Variants in PRDM1 observed in about 807,000 individuals in gnomAD.
The protein encoded by PRDM1 is PR/SET domain 1.
A neutral mutation model predicts 62.8 loss-of-function variants in PRDM1; 13 were observed. The observed-to-expected ratio is 0.21, with a 90% confidence interval of 0.13 to 0.33. PRDM1 has a LOEUF of 0.33. Ranked by LOEUF, PRDM1 falls within the 10% of genes least tolerant of loss-of-function variation. The pLI, the probability that PRDM1 is intolerant of heterozygous loss-of-function variation, is 1.00. For synonymous variants in PRDM1, 396 were observed against 417.6 expected, an observed-to-expected ratio of 0.95 and a Z score of 0.63; for missense variants, 895 against 1,058.8, an observed-to-expected ratio of 0.85 and a Z score of 2.15.
At chr6:106,023,432 C>G (rs530687234) in intron 1 of PRDM1, among the ~76,000 whole-genome samples, 1 of 151,926 alleles carries the variant, frequency 6.6e-6, no homozygotes, top group African/African-American at 2.4e-5. Flanking sequence ...TGAGATCTCG[C>G]CACTGCACTC....
At chr6:106,086,204 G>A (rs1355321422), upstream of PRDM1, 4 of 333,434 alleles carry the variant, frequency 1.2e-5, no homozygotes, top group Non-Finnish European at 2.2e-5. Flanking sequence ...GGAAGCTCTC[G>A]GCGGCTGTGC....
At position 106,106,871 on chromosome 6, in the gene PRDM1, C is replaced by T. The variant is rs774301319; in HGVS notation, c.1903-40C>T. The T allele has an allele frequency of 6.4e-7, 1 of 1,558,728 alleles. No individual in the cohort carries two copies. Among genetic ancestry groups the T allele is most frequent in the Non-Finnish European group, 8.7e-7 (1 of 1,143,946 alleles). ...GGCAACTCTTAATCTTCTGGCCTTC[C>T]TGTCTCCCTTCCCTGCTGTCTCTCT... On this transcript the variant is annotated intron_variant, in intron 6 of 6. Transcript: ENST00000369096. The surrounding 1 kb of genome is among the most constrained non-coding windows in gnomAD (Gnocchi z 4.4).
At chr6:106,022,102 G>T (rs1271391412) in intron 1 of PRDM1, among the ~76,000 whole-genome samples, 1 of 152,182 alleles carries the variant, frequency 6.6e-6, no homozygotes, top group African/African-American at 2.4e-5. Context: ...AGCTTAAGAG[G>T]TACAGGTGTT....
chr6:106,086,530 A>G lies in PRDM1; in HGVS notation c.-24A>G, dbSNP rs1773810858. On this transcript the variant is annotated 5_prime_UTR_variant, in exon 1 of 7. An upstream open reading frame in the 5' UTR loses its in-frame stop. Coordinates refer to ENST00000369096, the MANE Select transcript of PRDM1 (RefSeq NM_001198.4). ...GACGCGGGGAGAATGTGGACTGGGTAGAGATGAACGAGACTTTTCTCAGAT... is the reference window on the plus strand; with the variant it reads ...GACGCGGGGAGAATGTGGACTGGGTGGAGATGAACGAGACTTTTCTCAGAT... The G allele has an allele frequency of 6.5e-7, 1 of 1,550,126 alleles. No individual in the cohort carries two copies. Among genetic ancestry groups the G allele is most frequent in the African/African-American group, 1.4e-5 (1 of 72,942 alleles).
At chr6:106,056,340 C>T (rs544602740) in intron 1 of PRDM1, among the ~76,000 whole-genome samples, 5 of 152,248 alleles carry the variant, frequency 3.3e-5, no homozygotes, top group East Asian at 3.9e-4. Context: ...CATCCCTCAC[C>T]GCCTTTGCAA....
At chr6:106,077,495 A>G (rs1773622595) in intron 1 of PRDM1, among the ~76,000 whole-genome samples, 2 of 152,240 alleles carry the variant, frequency 1.3e-5, no homozygotes, top group Admixed American at 1.3e-4. Context: ...GGCCATGCCT[A>G]GCACTGTCAC....
At chr6:105,998,163 C>T (rs1307007326) in intron 1 of PRDM1, among the ~76,000 whole-genome samples, 1 of 152,114 alleles carries the variant, frequency 6.6e-6, no homozygotes, top group African/African-American at 2.4e-5. Context: ...CCTTTCACAG[C>T]ATTTCACATT....
rs543137915 is a variant in PRDM1, at chr6:106,012,997, G to A, written c.-67+19358G>A. Among the ~76,000 whole-genome samples, 7 of 152,036 alleles carry A rather than the reference G, an allele frequency of 4.6e-5. No individual in the cohort carries two copies. In the South Asian group the frequency reaches 6.2e-4, roughly 14 times the overall value. On this transcript the variant is annotated intron_variant, in intron 1 of 6. Coordinates refer to the PRDM1 transcript ENST00000652320. ...CACCCTCTCAGCTGAAGCAATTCTC[G>A]TGCCTCAGTCTCTCCAGTAGCTAGG...
At chr6:106,083,864 T>G (rs1196492279), upstream of PRDM1, among the ~76,000 whole-genome samples, 2 of 152,222 alleles carry the variant, frequency 1.3e-5, no homozygotes, top group Admixed American at 6.5e-5. Context: ...TAGCTCTCTC[T>G]GCACAGCTGT....
chr6:106,055,082 C>A (rs1375622207), intron 1 of PRDM1, among the ~76,000 whole-genome samples: 1 of 152,186 alleles, frequency 6.6e-6, no homozygotes, highest in East Asian at 1.9e-4. Context: ...CTAACTAGGA[C>A]TTCTCAGTGT....
At chr6:106,087,160 AGTT>A (rs1351504810) in intron 1 of PRDM1, among the ~76,000 whole-genome samples, 3 of 152,194 alleles carry the variant, frequency 2.0e-5, no homozygotes, top group African/African-American at 7.2e-5. Flanking sequence ...CCCTTACAGA[AGTT>A]GTTTACCTTT....
rs1231690156 is a variant in PRDM1, at chr6:106,108,936, C to A, written c.*1450C>A. Reference sequence around the variant, plus strand: ...ACTTTGTGTTATTCTATCTTTTATTCTGCTAAGCCCAAAGATTACATGTTG... The same window carrying A: ...ACTTTGTGTTATTCTATCTTTTATTATGCTAAGCCCAAAGATTACATGTTG... On this transcript the variant is annotated 3_prime_UTR_variant, in exon 7 of 7. Transcript: ENST00000369096. 1 of 227,422 alleles carries A rather than the reference C, an allele frequency of 4.4e-6. No homozygotes were observed. The highest frequency in any genetic ancestry group is 2.2e-5 in the African/African-American group (1 of 44,948). The allele number at this position is 227,422 out of a possible 1,614,324, so 14.1% of individuals were successfully genotyped here. A position where few individuals can be genotyped will look rare whatever the true frequency, so the allele number is the denominator to read the frequency against.
chr6:106,013,360 CTT>C (rs1772580128), intron 1 of PRDM1, among the ~76,000 whole-genome samples: 1 of 142,860 alleles, frequency 7.0e-6, no homozygotes, highest in African/African-American at 2.6e-5. Flanking sequence ...CAGAGTCTCT[CTT>C]TGTTGCTCGG....
chr6:106,032,783 G>C (rs558062790), intron 1 of PRDM1, among the ~76,000 whole-genome samples: 2 of 152,210 alleles, frequency 1.3e-5, no homozygotes, highest in East Asian at 3.9e-4. Flanking sequence ...AATAAAATTT[G>C]AAGAAATAAT....
chr6:106,071,482 G>A lies in PRDM1; in HGVS notation c.-66-16719G>A, dbSNP rs186163391. On this transcript the variant is annotated intron_variant, in intron 1 of 6. Coordinates refer to the PRDM1 transcript ENST00000651185. ...TAACAATGCTGATCCACTTCCCATC[G>A]ATTTTGCATTGATTTTCTGGTACTG... 2.0e-5 allele frequency among the ~76,000 whole-genome samples: 3 copies of A among 151,946 alleles called. No individual in the cohort carries two copies. The East Asian group carries it at 5.8e-4, about 29-fold the overall frequency.
chr6:106,095,170 G>T (rs1582467175), intron 2 of PRDM1, among the ~76,000 whole-genome samples: 1 of 152,190 alleles, frequency 6.6e-6, no homozygotes, highest in East Asian at 1.9e-4. Context: ...TCTGAGGTCA[G>T]AACTATTTTA....
At chr6:106,025,314 C>T (rs970361150) in intron 1 of PRDM1, among the ~76,000 whole-genome samples, 2 of 152,188 alleles carry the variant, frequency 1.3e-5, no homozygotes, top group African/African-American at 2.4e-5. Context: ...GATTAGTTAA[C>T]GTTTATGCCA....
chr6:106,055,137 C>T (rs766771904), intron 1 of PRDM1, among the ~76,000 whole-genome samples: 1 of 152,176 alleles, frequency 6.6e-6, no homozygotes, highest in South Asian at 2.1e-4. Flanking sequence ...ATAATTCTCA[C>T]GAAGCATGAC....
chr6:106,073,105 C>CTTTTT (rs202236727), intron 1 of PRDM1, among the ~76,000 whole-genome samples: 8 of 137,654 alleles, frequency 5.8e-5, no homozygotes, highest in East Asian at 2.1e-4. Flanking sequence ...TTCCTCTTTT[C>CTTTTT]TTTTTTTTTT....
Sources: allele counts gnomAD v4.1 joint callset (sites outside exome capture counted in the v4.1 genomes callset), GRCh38; gene constraint gnomAD v4.1.1; non-coding constraint Gnocchi (gnomAD v3.1); transcripts MANE v1.5; gene names NCBI Gene and HGNC (gene_info 2026-07-23, HGNC 2026-07-21).